GRAMD2B: variants seen among roughly 807,000 people sequenced by gnomAD.
The protein encoded by GRAMD2B is GRAM domain containing 2B.
Under a neutral mutation model 59.2 loss-of-function variants are expected in GRAMD2B, and 41 were observed. The ratio of observed to expected loss-of-function variants is 0.69; its 90% CI spans 0.54 to 0.90. The LOEUF (loss-of-function observed/expected upper bound fraction) is 0.90. Among genes scored for constraint, GRAMD2B ranks in the 40% least tolerant of loss-of-function variants. The pLI is 0.00. For missense variants in GRAMD2B, 424 were observed against 500.5 expected, an observed-to-expected ratio of 0.85 and a Z score of 1.46; for synonymous variants, 161 against 182.7, an observed-to-expected ratio of 0.88 and a Z score of 0.96.
At chr5:126,457,248 T>C (rs13189244) in intron 1 of GRAMD2B, among the ~76,000 whole-genome samples, 126,971 of 146,610 alleles carry the variant, frequency 0.87, 56,192 homozygotes, top group East Asian at 0.99. Context: ...ACATGTCATG[T>C]TTTTCCCTCT....
intron 1 of GRAMD2B, among the ~76,000 whole-genome samples, chr5:126,399,085 A>G (rs551115538): frequency 6.6e-6 from 1 of 152,262 alleles, no homozygotes; most frequent in Admixed American, 6.5e-5. Context: ...TTGAGTGGAA[A>G]GTTCTATGTA....
Position 126,486,931 on chromosome 5 carries a change from G to T in GRAMD2B, c.1117G>T (p.Glu373Ter). The T allele has an allele frequency of 6.2e-7, 1 of 1,612,280 alleles. No individual in the cohort carries two copies. Among genetic ancestry groups the T allele is most frequent in the Non-Finnish European group, 8.5e-7 (1 of 1,178,718 alleles). Reference sequence around the variant, plus strand: ...GAGATACAGAATTAATACTCTGGAGGAGCAGCTGGGGTTACTAACCTCCAT... The same window carrying T: ...GAGATACAGAATTAATACTCTGGAGTAGCAGCTGGGGTTACTAACCTCCAT... ...YMRYRINTLE[E>*]QLGLLTSIVD... The change falls in exon 12 of 14, where the codon GAG becomes TAG. Residue 373 changes from glutamate (E) to a stop codon, truncating the protein, a stop_gained. Transcript: ENST00000285689. LOFTEE classifies it high-confidence loss of function.
At chr5:126,399,573 G>C (rs928929015) in intron 1 of GRAMD2B, among the ~76,000 whole-genome samples, 1 of 152,070 alleles carries the variant, frequency 6.6e-6, no homozygotes, top group Non-Finnish European at 1.5e-5. Flanking sequence ...AGTTGCCTGA[G>C]GCCTCCCCAG....
At chr5:126,439,687 A>C (rs563696045) in intron 1 of GRAMD2B, among the ~76,000 whole-genome samples, 3 of 152,310 alleles carry the variant, frequency 2.0e-5, no homozygotes, top group African/African-American at 7.2e-5. Flanking sequence ...AGTACTTAGT[A>C]AGTTGACTGA....
rs113814050 is a variant in GRAMD2B at position 126,461,921 on chromosome 5, A to G, written c.84-3505A>G. On this transcript the variant is annotated intron_variant, in intron 1 of 13. Coordinates refer to ENST00000285689, the MANE Select transcript of GRAMD2B (RefSeq NM_023927.4). Reference sequence around the variant, plus strand: ...TCTACTAAAAGCCTTTCAGGCAGGGACCATAACTGATGCTTAAAGTGGGTT... The same window carrying G: ...TCTACTAAAAGCCTTTCAGGCAGGGGCCATAACTGATGCTTAAAGTGGGTT... 5.6e-3 allele frequency among the ~76,000 whole-genome samples: 856 copies of G among 152,356 alleles called. 6 individuals are homozygous for G. Among genetic ancestry groups the G allele is most frequent in the African/African-American group, 0.02 (831 of 41,588 alleles).
intron 5 of GRAMD2B, among the ~76,000 whole-genome samples, chr5:126,475,651 A>G (rs1438904546): frequency 6.6e-6 from 1 of 152,190 alleles, no homozygotes; most frequent in Non-Finnish European, 1.5e-5. Flanking sequence ...CCAGATGTGA[A>G]TGCAAATATT....
At chr5:126,491,153 T>C (rs1383884777) in intron 13 of GRAMD2B, among the ~76,000 whole-genome samples, 1 of 152,196 alleles carries the variant, frequency 6.6e-6, no homozygotes, top group East Asian at 1.9e-4. Flanking sequence ...TCCTTTGTTT[T>C]AATTTTGGGT....
At chr5:126,463,062 C>A (rs1444556080) in intron 1 of GRAMD2B, among the ~76,000 whole-genome samples, 1 of 152,168 alleles carries the variant, frequency 6.6e-6, no homozygotes, top group Non-Finnish European at 1.5e-5. Context: ...AATGCCTGAC[C>A]AAGATGGGTC....
chr5:126,452,342 C>A (rs1765523783), intron 1 of GRAMD2B, among the ~76,000 whole-genome samples: 1 of 152,128 alleles, frequency 6.6e-6, no homozygotes, highest in South Asian at 2.1e-4. Flanking sequence ...AATCACCTCC[C>A]AAAAGCCCCA....
intron 1 of GRAMD2B, among the ~76,000 whole-genome samples, chr5:126,451,833 T>A (rs1765433005): frequency 6.6e-6 from 1 of 152,118 alleles, no homozygotes; most frequent in Admixed American, 6.5e-5. Context: ...GTTTGCACCA[T>A]CCCCTTGGTG....
intron 1 of GRAMD2B, among the ~76,000 whole-genome samples, chr5:126,365,619 G>A (rs1167911926): frequency 1.3e-5 from 2 of 151,920 alleles, no homozygotes; most frequent in African/African-American, 2.4e-5. Context: ...CCAAAGTCAC[G>A]TTCAGTGTAT....
At position 126,451,105 on chromosome 5, in the gene GRAMD2B, C is replaced by A. The variant is rs1765282367; in HGVS notation, c.84-14321C>A. ...AAAACCCACAGGCATTCAACTCCAA[C>A]CCGTGAGAGCAGCCAGCGAGGCTGC... On this transcript the variant is annotated intron_variant, in intron 1 of 13. Coordinates refer to ENST00000285689, the MANE Select transcript of GRAMD2B (RefSeq NM_023927.4). Among the ~76,000 whole-genome samples the A allele has an allele frequency of 2.6e-5, 4 of 152,330 alleles. No homozygotes were observed. In the South Asian group the frequency reaches 8.3e-4, roughly 32 times the overall value.
At chr5:126,371,244 G>A (rs927327047), upstream of GRAMD2B, 12 of 979,308 alleles carry the variant, frequency 1.2e-5, no homozygotes, top group African/African-American at 1.7e-5. Flanking sequence ...GATGAAAACC[G>A]CCCTGTGTCA....
chr5:126,426,212 GA>G (rs1760593360), intron 1 of GRAMD2B, among the ~76,000 whole-genome samples: 2 of 152,076 alleles, frequency 1.3e-5, no homozygotes, highest in African/African-American at 4.8e-5. Context: ...GTGATATGCA[GA>G]AGGAATAAGG....
At chr5:126,379,958 G>T (rs1163504069) in intron 1 of GRAMD2B, among the ~76,000 whole-genome samples, 1 of 152,102 alleles carries the variant, frequency 6.6e-6, no homozygotes, top group Non-Finnish European at 1.5e-5. Context: ...TGGCTTTTGG[G>T]TTCTTAGTCA....
chr5:126,369,476 T>C (rs1754632763), upstream of GRAMD2B, among the ~76,000 whole-genome samples: 1 of 152,364 alleles, frequency 6.6e-6, no homozygotes, highest in Non-Finnish European at 1.5e-5. Context: ...TATTAGCTAG[T>C]ACAGAGAGTC....
chr5:126,420,194 CAT>C (rs1759614801), upstream of GRAMD2B, among the ~76,000 whole-genome samples: 1 of 151,452 alleles, frequency 6.6e-6, no homozygotes, highest in East Asian at 1.9e-4. Flanking sequence ...CATCCTAAAA[CAT>C]ATTTTAGGCA....
At chr5:126,392,909 CT>C (rs1756966051) in intron 1 of GRAMD2B, among the ~76,000 whole-genome samples, 1 of 152,152 alleles carries the variant, frequency 6.6e-6, no homozygotes, top group South Asian at 2.1e-4. Flanking sequence ...TTGAGGACCC[CT>C]GAATTAGAAT....
At chr5:126,415,103 A>C (rs1385422162) in intron 1 of GRAMD2B, among the ~76,000 whole-genome samples, 1 of 152,174 alleles carries the variant, frequency 6.6e-6, no homozygotes, top group Non-Finnish European at 1.5e-5. Flanking sequence ...CTTGGAATAG[A>C]GCCCAGTTCT....
Sources: gnomAD v4.1 joint callset for allele counts (sites outside exome capture counted in the v4.1 genomes callset) on GRCh38, gnomAD v4.1.1 for gene constraint, MANE v1.5 for transcripts, NCBI Gene and HGNC (gene_info 2026-07-23, HGNC 2026-07-21) for gene names.